KDM4C: variants seen among roughly 807,000 people sequenced by gnomAD.
KDM4C encodes lysine-specific demethylase 4C.
Under a neutral mutation model 129.3 loss-of-function variants are expected in KDM4C, and 81 were observed. The observed-to-expected ratio is 0.63, with a 90% CI of 0.52 to 0.75. The LOEUF is 0.75. KDM4C is among the 30% of genes least tolerant of loss of function. The pLI is 0.00. For synonymous variants in KDM4C, 573 were observed against 456.1 expected (o/e 1.26, Z -3.26); for missense variants, 1,457 against 1,304.0 (o/e 1.12, Z -1.81).
chr9:6,911,035 G>A lies in KDM4C; in HGVS notation c.921+17803G>A, dbSNP rs140798282. Among the ~76,000 whole-genome samples the A allele has an allele frequency of 2.2e-3, 341 of 152,076 alleles. 3 individuals are homozygous for A. Among genetic ancestry groups the A allele is most frequent in the African/African-American group, 6.3e-3 (261 of 41,466 alleles). On this transcript the variant is annotated intron_variant, in intron 8 of 21. Coordinates refer to ENST00000381309, the MANE Select transcript of KDM4C (RefSeq NM_015061.6). Reference sequence around the variant, plus strand: ...AGAAAGATGTTTATTAAATTTTAGCGTCATCTTTGCAGGGTTTTAATTTGC... The same window carrying A: ...AGAAAGATGTTTATTAAATTTTAGCATCATCTTTGCAGGGTTTTAATTTGC...
intron 8 of KDM4C, among the ~76,000 whole-genome samples, chr9:6,896,764 A>G (rs1029910208): frequency 3.3e-5 from 5 of 152,124 alleles, no homozygotes; most frequent in Non-Finnish European, 7.3e-5. Flanking sequence ...GTATGTTTCT[A>G]TGAATTCATC....
intron 15 of KDM4C, among the ~76,000 whole-genome samples, chr9:7,042,249 T>C (rs935972369): frequency 3.9e-5 from 6 of 152,062 alleles, no homozygotes; most frequent in African/African-American, 1.4e-4. Flanking sequence ...GCAGAACTTT[T>C]ATTTGAACCT....
intron 1 of KDM4C, among the ~76,000 whole-genome samples, chr9:6,761,914 TCTC>T (rs1201105096): frequency 5.3e-5 from 8 of 152,026 alleles, no homozygotes; most frequent in South Asian, 2.1e-4. Flanking sequence ...CTGGAGTGAT[TCTC>T]CTCCTCAGCC....
chr9:7,105,426 A>G (rs182105544), intron 18 of KDM4C: 3 of 470,950 alleles, frequency 6.4e-6, no homozygotes, highest in East Asian at 6.9e-5. Flanking sequence ...TAAGCACTCA[A>G]AAAATGAAAG....
chr9:6,939,855 G>A (rs566447904), intron 8 of KDM4C, among the ~76,000 whole-genome samples: 20 of 152,304 alleles, frequency 1.3e-4, no homozygotes, highest in Middle Eastern at 6.8e-3. Flanking sequence ...ACTCTTGGCA[G>A]AGGAAATAAC....
At chr9:7,133,616 T>C (rs969815679) in intron 19 of KDM4C, among the ~76,000 whole-genome samples, 2 of 152,190 alleles carry the variant, frequency 1.3e-5, no homozygotes, top group African/African-American at 2.4e-5. Flanking sequence ...CCTTGTTCCA[T>C]TGCTTATTGC....
chr9:6,832,777 G>C (rs1402861238), intron 4 of KDM4C, among the ~76,000 whole-genome samples: 2 of 139,038 alleles, frequency 1.4e-5, no homozygotes, highest in Non-Finnish European at 3.0e-5. Context: ...GCCCAAGCTA[G>C]AGTGCAATGG....
intron 8 of KDM4C, among the ~76,000 whole-genome samples, chr9:6,919,541 G>GTCTATCTATCTA (rs1199904643): frequency 1.8e-4 from 11 of 60,444 alleles, no homozygotes; most frequent in East Asian, 4.1e-4. Context: ...CTGTCTGTCT[G>GTCTATCTATCTA]TCTGTCTATC....
At chr9:6,848,684 T>A (rs1018201316) in intron 4 of KDM4C, among the ~76,000 whole-genome samples, 6 of 151,024 alleles carry the variant, frequency 4.0e-5, no homozygotes, top group Admixed American at 2.0e-4. Context: ...AAAAAAAAAA[T>A]GATTGTTAAG....
chr9:6,957,090 T>A (rs550433958), intron 8 of KDM4C, among the ~76,000 whole-genome samples: 7 of 152,300 alleles, frequency 4.6e-5, no homozygotes, highest in African/African-American at 1.7e-4. Context: ...TGAGCCATTA[T>A]CTTCTGTTTG....
chr9:7,160,359 A>G (rs1843654463), intron 19 of KDM4C, among the ~76,000 whole-genome samples: 1 of 152,114 alleles, frequency 6.6e-6, no homozygotes, highest in East Asian at 1.9e-4. Flanking sequence ...TTCTCCCTCC[A>G]GCTTTGTTCC....
intron 7 of KDM4C, among the ~76,000 whole-genome samples, chr9:6,891,847 A>G (rs1334507448): frequency 6.6e-6 from 1 of 152,168 alleles, no homozygotes; most frequent in Non-Finnish European, 1.5e-5. Flanking sequence ...TTTCTTCCTT[A>G]GATTTTTATC....
intron 19 of KDM4C, among the ~76,000 whole-genome samples, chr9:7,144,988 T>G (rs1270201633): frequency 6.6e-6 from 1 of 152,208 alleles, no homozygotes; most frequent in African/African-American, 2.4e-5. Flanking sequence ...ACCTGTTGCC[T>G]TCATCCTTTC....
chr9:6,896,453 G>A (rs1816456879), intron 8 of KDM4C, among the ~76,000 whole-genome samples: 1 of 150,498 alleles, frequency 6.6e-6, no homozygotes, highest in Non-Finnish European at 1.5e-5. Flanking sequence ...GTGCATATAT[G>A]TAATCACAAA....
At chr9:6,954,201 C>G (rs1051657858) in intron 8 of KDM4C, among the ~76,000 whole-genome samples, 2 of 152,182 alleles carry the variant, frequency 1.3e-5, no homozygotes, top group Non-Finnish European at 2.9e-5. Context: ...CTTTCAGTGT[C>G]TAGTTCAAAC....
At chr9:7,053,008 A>G (rs538891399) in intron 17 of KDM4C, among the ~76,000 whole-genome samples, 42 of 152,192 alleles carry the variant, frequency 2.8e-4, no homozygotes, top group African/African-American at 1.0e-3. Flanking sequence ...TTTTCATTTA[A>G]CTGTAGAAAA....
chr9:6,988,869 A>G (rs1170777548), intron 11 of KDM4C, among the ~76,000 whole-genome samples: 7 of 151,870 alleles, frequency 4.6e-5, no homozygotes, highest in Admixed American at 4.6e-4. Context: ...TGATTACCCT[A>G]TAAAACTGCC....
At chr9:7,072,761 A>G (rs750406230) in intron 17 of KDM4C, among the ~76,000 whole-genome samples, 5 of 152,166 alleles carry the variant, frequency 3.3e-5, no homozygotes, top group Non-Finnish European at 7.4e-5. Flanking sequence ...ACTTTATGTT[A>G]TTTACGTTGC....
chr9:6,785,459 C>T (rs1055789991), intron 1 of KDM4C, among the ~76,000 whole-genome samples: 2 of 152,126 alleles, frequency 1.3e-5, no homozygotes, highest in Admixed American at 1.3e-4. Flanking sequence ...GCCTCAGCCT[C>T]CCCAGTAGCT....
Sources: allele counts gnomAD v4.1 joint callset (sites outside exome capture counted in the v4.1 genomes callset), GRCh38; gene constraint gnomAD v4.1.1; transcripts MANE v1.5; gene names NCBI Gene and HGNC (gene_info 2026-07-23, HGNC 2026-07-21).